FKBP5: variants seen among roughly 807,000 people sequenced by gnomAD.
FKBP5 encodes FKBP prolyl isomerase 5.
Under a neutral mutation model 50.5 loss-of-function variants are expected in FKBP5, and 23 were observed. The observed-to-expected ratio is 0.46, with a 90% CI of 0.33 to 0.65. The LOEUF (loss-of-function observed/expected upper bound fraction) is 0.65. FKBP5 is among the 30% of genes least tolerant of loss of function. FKBP5 has a pLI of 0.02. For missense variants in FKBP5, 411 were observed against 553.1 expected, an observed-to-expected ratio of 0.74 and a Z score of 2.58; for synonymous variants, 176 against 190.6, an observed-to-expected ratio of 0.92 and a Z score of 0.63.
intron 5 of FKBP5, among the ~76,000 whole-genome samples, chr6:35,613,093 T>C (rs1167321782): frequency 6.6e-6 from 1 of 152,222 alleles, no homozygotes; most frequent in Non-Finnish European, 1.5e-5. Context: ...CATTGTCTCT[T>C]TACACAGAAA....
intron 1 of FKBP5, among the ~76,000 whole-genome samples, chr6:35,685,982 CAAAAAAAAAAA>C (rs60786619): frequency 9.3e-4 from 43 of 46,246 alleles, no homozygotes; most frequent in African/African-American, 1.2e-3. Context: ...AACGCCATCT[CAAAAAAAAAAA>C]AAAAAAAAAA....
At chr6:35,691,030 A>T (rs911715324), upstream of FKBP5, among the ~76,000 whole-genome samples, 10 of 151,980 alleles carry the variant, frequency 6.6e-5, no homozygotes, top group African/African-American at 2.4e-4. Flanking sequence ...ATAAATAAAT[A>T]AAATAAAATA....
intron 1 of FKBP5, among the ~76,000 whole-genome samples, chr6:35,723,725 C>T (rs1285399001): frequency 6.6e-6 from 1 of 152,148 alleles, no homozygotes; most frequent in Non-Finnish European, 1.5e-5. Flanking sequence ...CAGGACAGAC[C>T]AACTAAATAC....
intron 1 of FKBP5, among the ~76,000 whole-genome samples, chr6:35,688,530 G>A (rs1765903053): frequency 6.6e-6 from 1 of 151,452 alleles, no homozygotes; most frequent in African/African-American, 2.4e-5. Flanking sequence ...CGGCGCCCGC[G>A]GTCACTAGTC....
intron 1 of FKBP5, among the ~76,000 whole-genome samples, chr6:35,643,221 A>C (rs1764543772): frequency 6.6e-6 from 1 of 152,214 alleles, no homozygotes; most frequent in Admixed American, 6.5e-5. Context: ...TAATAAAAGA[A>C]GTGACAATAT....
chr6:35,635,324 G>A (rs1374160894), intron 3 of FKBP5, among the ~76,000 whole-genome samples: 3 of 151,980 alleles, frequency 2.0e-5, no homozygotes, highest in Non-Finnish European at 2.9e-5. Flanking sequence ...GCAACAGAGC[G>A]AGCCAGACAT....
intron 7 of FKBP5, among the ~76,000 whole-genome samples, chr6:35,588,915 AT>A (rs916485893): frequency 1.3e-5 from 2 of 149,852 alleles, no homozygotes; most frequent in Non-Finnish European, 3.0e-5. Flanking sequence ...AAAATTTTAA[AT>A]TTTTTTGCAG....
At chr6:35,712,728 C>A (rs900472900) in intron 2 of FKBP5, among the ~76,000 whole-genome samples, 1 of 152,166 alleles carries the variant, frequency 6.6e-6, no homozygotes, top group Non-Finnish European at 1.5e-5. Flanking sequence ...GGGTGGTAAG[C>A]TGGCTACCCT....
chr6:35,621,983 T>C (rs1763859371), intron 3 of FKBP5, among the ~76,000 whole-genome samples: 1 of 151,794 alleles, frequency 6.6e-6, no homozygotes. Flanking sequence ...CTGTCCTGTC[T>C]CAAAAAACAA....
upstream of FKBP5, among the ~76,000 whole-genome samples, chr6:35,690,050 C>T (rs1052869351): frequency 3.9e-5 from 6 of 152,204 alleles, no homozygotes; most frequent in South Asian, 6.2e-4. Context: ...CCTATGGAAA[C>T]CTAATATCCC....
At position 35,715,663 on chromosome 6, in the gene FKBP5, C is replaced by A. The variant is rs559601909; in HGVS notation, c.-20+4665G>T. Reference sequence around the variant, plus strand: ...CAGGAGGAATTCCATGAGGCTGGAACTTAACGTGCAGCTGGGGGCAGGCTG... The same window carrying A: ...CAGGAGGAATTCCATGAGGCTGGAAATTAACGTGCAGCTGGGGGCAGGCTG... On this transcript the variant is annotated intron_variant, in intron 2 of 11. Coordinates refer to the FKBP5 transcript ENST00000536438. Among the ~76,000 whole-genome samples, 38 of 152,368 alleles carry A rather than the reference C, an allele frequency of 2.5e-4. 2 individuals are homozygous for A. Among genetic ancestry groups the A allele is most frequent in the African/African-American group, 8.9e-4 (37 of 41,588 alleles).
chr6:35,625,146 C>T (rs994036095), intron 3 of FKBP5, among the ~76,000 whole-genome samples: 4 of 152,270 alleles, frequency 2.6e-5, no homozygotes, highest in Admixed American at 1.3e-4. Flanking sequence ...TGCAGTGGCA[C>T]GATCTTGGCT....
At chr6:35,658,563 T>C (rs915345627) in intron 1 of FKBP5, among the ~76,000 whole-genome samples, 2 of 152,192 alleles carry the variant, frequency 1.3e-5, no homozygotes, top group Non-Finnish European at 2.9e-5. Context: ...ATTTTCCTAG[T>C]TTGCTGAGTT....
chr6:35,632,144 T>C (rs1764180650), intron 3 of FKBP5, among the ~76,000 whole-genome samples: 2 of 152,162 alleles, frequency 1.3e-5, no homozygotes, highest in African/African-American at 2.4e-5. Context: ...TGACCAGTTC[T>C]AATAATTCAC....
At chr6:35,715,219 G>A (rs1766491422) in intron 2 of FKBP5, among the ~76,000 whole-genome samples, 1 of 152,146 alleles carries the variant, frequency 6.6e-6, no homozygotes, top group Non-Finnish European at 1.5e-5. Flanking sequence ...ATGTTAATGA[G>A]TCCATTCATT....
At chr6:35,621,752 C>T (rs1003340027) in intron 3 of FKBP5, among the ~76,000 whole-genome samples, 4 of 152,154 alleles carry the variant, frequency 2.6e-5, no homozygotes, top group South Asian at 4.1e-4. Context: ...GAGGCCAAGG[C>T]GGGCAGATCC....
intron 8 of FKBP5, chr6:35,583,704 A>G: frequency 1.1e-6 from 1 of 922,234 alleles, no homozygotes; most frequent in Non-Finnish European, 1.3e-6. Context: ...TGCACAAGAC[A>G]GCCCCACACA....
At chr6:35,604,007 C>G (rs944770950) in intron 5 of FKBP5, among the ~76,000 whole-genome samples, 2 of 151,048 alleles carry the variant, frequency 1.3e-5, no homozygotes, top group Non-Finnish European at 3.0e-5. Flanking sequence ...TGCCCGGCCT[C>G]TTTATTGTTT....
chr6:35,645,201 G>T (rs1305680943), intron 1 of FKBP5, among the ~76,000 whole-genome samples: 1 of 152,102 alleles, frequency 6.6e-6, no homozygotes, highest in Non-Finnish European at 1.5e-5. Context: ...AAACTAACCA[G>T]GAAGAAAAGA....
Sources: gnomAD v4.1 joint callset for allele counts (sites outside exome capture counted in the v4.1 genomes callset) on GRCh38, gnomAD v4.1.1 for gene constraint, MANE v1.5 for transcripts, NCBI Gene and HGNC (gene_info 2026-07-23, HGNC 2026-07-21) for gene names.